Variants in CTNNA3 observed in about 807,000 individuals in gnomAD.
The protein encoded by CTNNA3 is catenin alpha-3.
A neutral mutation model predicts 95.7 loss-of-function variants in CTNNA3; 76 were observed. That is an observed-to-expected ratio of 0.79 (90% CI 0.66 to 0.96). The LOEUF (loss-of-function observed/expected upper bound fraction) is 0.96. Ranked by LOEUF, CTNNA3 falls within the 40% of genes least tolerant of loss-of-function variation. The pLI is 0.00. For synonymous variants in CTNNA3, 431 were observed against 374.4 expected (o/e 1.15, Z -1.74); for missense variants, 1,191 against 1,089.8 (o/e 1.09, Z -1.31).
intron 5 of CTNNA3, among the ~76,000 whole-genome samples, chr10:67,427,127 T>C (rs755597573): frequency 1.5e-4 from 23 of 152,178 alleles, no homozygotes; most frequent in Non-Finnish European, 2.6e-4. Context: ...TCTGATTCTT[T>C]ATGGGTACCA....
chr10:67,267,537 T>C (rs1326656132), intron 5 of CTNNA3, among the ~76,000 whole-genome samples: 4 of 152,094 alleles, frequency 2.6e-5, no homozygotes, highest in African/African-American at 4.8e-5. Flanking sequence ...GCTAATTTTT[T>C]TGTATTTTTT....
At chr10:67,280,816 C>T (rs1839368779) in intron 5 of CTNNA3, among the ~76,000 whole-genome samples, 1 of 152,114 alleles carries the variant, frequency 6.6e-6, no homozygotes, top group South Asian at 2.1e-4. Context: ...CATTTCCCTC[C>T]CCCAATGAAG....
At chr10:67,747,187 T>C (rs1163974838) in intron 1 of CTNNA3, among the ~76,000 whole-genome samples, 1 of 152,168 alleles carries the variant, frequency 6.6e-6, no homozygotes, top group Non-Finnish European at 1.5e-5. Context: ...ACCAGCAGAC[T>C]TAGTCTTTCC....
intron 13 of CTNNA3, among the ~76,000 whole-genome samples, chr10:66,218,899 T>G (rs1251724469): frequency 6.6e-6 from 1 of 152,236 alleles, no homozygotes; most frequent in East Asian, 1.9e-4. Context: ...GACAGAGTCC[T>G]AATCAAGAAA....
At chr10:67,738,048 C>A (rs1841312958) in intron 1 of CTNNA3, among the ~76,000 whole-genome samples, 1 of 152,192 alleles carries the variant, frequency 6.6e-6, no homozygotes, top group Non-Finnish European at 1.5e-5. Flanking sequence ...GGTGATACTT[C>A]CAGGTATGAA....
chr10:66,823,070 C>A (rs1041342772), intron 7 of CTNNA3, among the ~76,000 whole-genome samples: 1 of 152,186 alleles, frequency 6.6e-6, no homozygotes, highest in African/African-American at 2.4e-5. Flanking sequence ...GGGCCTGCAA[C>A]AATTCTGGTA....
At chr10:66,220,291 A>C (rs144489586) in intron 13 of CTNNA3, among the ~76,000 whole-genome samples, 4 of 152,322 alleles carry the variant, frequency 2.6e-5, no homozygotes, top group Admixed American at 1.3e-4. Context: ...CTGTGATTAT[A>C]ATTTGTAGAA....
intron 10 of CTNNA3, among the ~76,000 whole-genome samples, chr10:66,561,718 A>T (rs1425680794): frequency 6.6e-6 from 1 of 152,082 alleles, no homozygotes; most frequent in Non-Finnish European, 1.5e-5. Flanking sequence ...AGCAAAGGAA[A>T]ATGCTGCAGG....
At chr10:66,033,299 T>C (rs2079487714) in intron 15 of CTNNA3, among the ~76,000 whole-genome samples, 1 of 151,168 alleles carries the variant, frequency 6.6e-6, no homozygotes, top group Admixed American at 6.6e-5. Context: ...CCCGGCTAAT[T>C]TTGTTTTTTG....
chr10:66,276,368 C>T (rs1385054859), intron 13 of CTNNA3, among the ~76,000 whole-genome samples: 1 of 152,040 alleles, frequency 6.6e-6, no homozygotes, highest in Non-Finnish European at 1.5e-5. Context: ...TGTGAGGATA[C>T]TTCACTGCGG....
At chr10:66,046,424 C>A (rs532552348) in intron 15 of CTNNA3, among the ~76,000 whole-genome samples, 1 of 152,036 alleles carries the variant, frequency 6.6e-6, no homozygotes, top group Admixed American at 6.6e-5. Flanking sequence ...GAGGTTAGAC[C>A]CCCATACATA....
At chr10:67,271,447 T>A (rs760655343) in intron 5 of CTNNA3, among the ~76,000 whole-genome samples, 1 of 152,152 alleles carries the variant, frequency 6.6e-6, no homozygotes, top group African/African-American at 2.4e-5. Context: ...CTGCCATGAT[T>A]GTAAGTTTCC....
At chr10:65,926,476 A>AT (rs200139185) in intron 17 of CTNNA3, among the ~76,000 whole-genome samples, 22,387 of 139,738 alleles carry the variant, frequency 0.16, 1,999 homozygotes, top group South Asian at 0.22. Context: ...GAGTGTTCCA[A>AT]TTTTTTTTTT....
At chr10:67,122,615 C>CAT (rs762271759) in intron 7 of CTNNA3, among the ~76,000 whole-genome samples, 2 of 152,038 alleles carry the variant, frequency 1.3e-5, no homozygotes, top group Non-Finnish European at 2.9e-5. Flanking sequence ...ACAAATGCTG[C>CAT]ATATCAAAAC....
At chr10:67,417,558 G>A (rs998167079) in intron 5 of CTNNA3, among the ~76,000 whole-genome samples, 13 of 151,882 alleles carry the variant, frequency 8.6e-5, no homozygotes, top group South Asian at 2.1e-4. Context: ...ATAGAAAGCC[G>A]GTTTATTTTA....
rs1848601832 is a variant in CTNNA3, at chr10:67,490,342, T to C, written c.579+31500A>G. On this transcript the variant is annotated intron_variant, in intron 5 of 17. Coordinates refer to ENST00000433211, the MANE Select transcript of CTNNA3 (RefSeq NM_013266.4). ...CCTTTAAACATTTATGATCGAATTC[T>C]GGATAGCCAAGGTGATGGCAGCTGC... 2.0e-5 allele frequency among the ~76,000 whole-genome samples: 3 copies of C among 152,184 alleles called. No homozygotes were observed. The South Asian group carries it at 6.2e-4, about 31-fold the overall frequency.
chr10:66,196,592 C>T (rs1240330516), intron 13 of CTNNA3, among the ~76,000 whole-genome samples: 2 of 152,190 alleles, frequency 1.3e-5, no homozygotes, highest in African/African-American at 4.8e-5. Context: ...AACTAACTCC[C>T]TCACTTTCAG....
At chr10:67,201,629 A>G (rs938690954) in intron 6 of CTNNA3, among the ~76,000 whole-genome samples, 2 of 152,174 alleles carry the variant, frequency 1.3e-5, no homozygotes, top group Non-Finnish European at 2.9e-5. Context: ...TTTTGTTAAC[A>G]TATAACTTGC....
At chr10:67,441,264 C>CAAAAAAAAAAAAAAA (rs760690984) in intron 5 of CTNNA3, among the ~76,000 whole-genome samples, 2 of 97,606 alleles carry the variant, frequency 2.0e-5, no homozygotes, top group Non-Finnish European at 2.3e-5. Flanking sequence ...TGAGAGAAGA[C>CAAAAAAAAAAAAAAA]AAAAAAAAAA....
Sources: allele counts gnomAD v4.1 joint callset (sites outside exome capture counted in the v4.1 genomes callset), GRCh38; gene constraint gnomAD v4.1.1; transcripts MANE v1.5; gene names NCBI Gene and HGNC (gene_info 2026-07-23, HGNC 2026-07-21).